The following APBB1IP variants were observed in gnomAD, a reference collection of about 807,000 sequenced individuals.
The protein encoded by APBB1IP is amyloid beta A4 precursor protein-binding family B member 1-interacting protein.
A neutral mutation model predicts 64.9 loss-of-function variants in APBB1IP; 27 were observed. That is an observed-to-expected ratio of 0.42 (90% CI 0.31 to 0.57). The LOEUF (loss-of-function observed/expected upper bound fraction) is 0.57, where lower values mean the gene tolerates loss of function less well. APBB1IP is among the 20% of genes least tolerant of loss of function. The pLI, the probability that APBB1IP is intolerant of heterozygous loss-of-function variation, is 0.20. For missense variants in APBB1IP, 812 were observed against 845.5 expected (o/e 0.96, Z 0.49); for synonymous variants, 392 against 331.0 (o/e 1.18, Z -2.00).
intron 2 of APBB1IP, among the ~76,000 whole-genome samples, chr10:26,452,538 T>C (rs1835476476): frequency 6.6e-6 from 1 of 152,238 alleles, no homozygotes; most frequent in African/African-American, 2.4e-5. Context: ...CTATCTAATT[T>C]CTCTAGGCCT....
chr10:26,445,881 T>G (rs1835392211), intron 2 of APBB1IP, among the ~76,000 whole-genome samples: 1 of 138,578 alleles, frequency 7.2e-6, no homozygotes, highest in South Asian at 2.1e-4. Context: ...TTACTAACAG[T>G]GATCGAGATA....
intron 8 of APBB1IP, among the ~76,000 whole-genome samples, chr10:26,517,962 A>AT (rs1416658602): frequency 4.6e-5 from 7 of 151,906 alleles, no homozygotes; most frequent in Admixed American, 4.6e-4. Flanking sequence ...TTTTTATTTT[A>AT]TTTCATTTTT....
chr10:26,470,649 G>A (rs766785397), intron 2 of APBB1IP, among the ~76,000 whole-genome samples: 2 of 152,284 alleles, frequency 1.3e-5, no homozygotes, highest in South Asian at 2.1e-4. Context: ...GTGTGCAGTA[G>A]GTTAGGTGTA....
intron 3 of APBB1IP, among the ~76,000 whole-genome samples, chr10:26,492,914 C>T (rs1355632353): frequency 1.3e-5 from 2 of 152,150 alleles, no homozygotes; most frequent in African/African-American, 4.8e-5. Flanking sequence ...ATTCGCCAGG[C>T]TGGAATTTCC....
At chr10:26,549,158 T>C (rs1461934319) in intron 11 of APBB1IP, among the ~76,000 whole-genome samples, 1 of 152,224 alleles carries the variant, frequency 6.6e-6, no homozygotes, top group Non-Finnish European at 1.5e-5. Context: ...ACTATCCTTG[T>C]ATTGCTGGGA....
At chr10:26,439,120 C>T (rs544945040) in intron 2 of APBB1IP, among the ~76,000 whole-genome samples, 1 of 152,254 alleles carries the variant, frequency 6.6e-6, no homozygotes, top group East Asian at 1.9e-4. Flanking sequence ...GCTATTGCAA[C>T]AGATTTGACA....
At chr10:26,467,807 T>G (rs1474250983) in intron 2 of APBB1IP, among the ~76,000 whole-genome samples, 9 of 152,226 alleles carry the variant, frequency 5.9e-5, no homozygotes, top group Non-Finnish European at 1.3e-4. Context: ...TGAGAAAATG[T>G]AGAACCAAAC....
intron 2 of APBB1IP, among the ~76,000 whole-genome samples, chr10:26,456,737 T>TAAAAA (rs9299824): frequency 0.036 from 3,216 of 90,540 alleles, 131 homozygotes; most frequent in African/African-American, 0.059. Context: ...AGAACCTGTC[T>TAAAAA]AAAAAAAAAA....
intron 7 of APBB1IP, among the ~76,000 whole-genome samples, chr10:26,513,067 C>T (rs1836280649): frequency 6.6e-6 from 1 of 152,194 alleles, no homozygotes; most frequent in Admixed American, 6.5e-5. Flanking sequence ...TTGTCCACCT[C>T]ACGTAGAATG....
intron 8 of APBB1IP, 119 bp downstream of exon 8, chr10:26,513,779 C>T (rs1205261600): frequency 4.7e-6 from 6 of 1,275,904 alleles, no homozygotes; most frequent in Non-Finnish European, 1.1e-6. Context: ...GTCTCGAAGG[C>T]TGGAGTGCAG....
intron 8 of APBB1IP, among the ~76,000 whole-genome samples, chr10:26,529,291 G>A (rs374650312): frequency 3.3e-5 from 5 of 152,220 alleles, no homozygotes; most frequent in East Asian, 3.9e-4. Context: ...TGGAAGTTCC[G>A]ATCCGAAAGC....
intron 2 of APBB1IP, among the ~76,000 whole-genome samples, chr10:26,467,761 T>C (rs919685512): frequency 6.6e-6 from 1 of 152,230 alleles, no homozygotes; most frequent in Non-Finnish European, 1.5e-5. Flanking sequence ...TGGGTGATGC[T>C]GGTCTGAAGA....
At position 26,440,396 on chromosome 10, in the gene APBB1IP, A is replaced by C. The variant is rs149072915; in HGVS notation, c.-1+1543A>C. Among the ~76,000 whole-genome samples the C allele has an allele frequency of 1.4e-3, 211 of 152,334 alleles. 2 individuals are homozygous for C. Among genetic ancestry groups the C allele is most frequent in the African/African-American group, 5.0e-3 (208 of 41,580 alleles). On this transcript the variant is annotated intron_variant, in intron 2 of 14. Transcript: ENST00000376236. ...AATTGCTGATCACAAATTTTTTAAA[A>C]ATGGAGAAAATAATCATAACCATAA...
chr10:26,538,551 G>T (rs1289618569), intron 10 of APBB1IP, among the ~76,000 whole-genome samples: 1 of 150,602 alleles, frequency 6.6e-6, no homozygotes, highest in Non-Finnish European at 1.5e-5. Flanking sequence ...TGAGGCAGAA[G>T]AATTGCTTGA....
rs1011452165 is a variant in APBB1IP at position 26,525,350 on chromosome 10, G to A, written c.814-8089G>A. On this transcript the variant is annotated intron_variant, in intron 8 of 14. Transcript: ENST00000376236. ...TAAAAATACATAATTTGCTTCTTTG[G>A]GTCTTGATTTCTGAAGGCTCCAATG... Among the ~76,000 whole-genome samples the A allele has an allele frequency of 1.1e-4, 17 of 152,142 alleles. No individual in the cohort carries two copies. The East Asian group carries it at 3.3e-3, about 29-fold the overall frequency.
intron 8 of APBB1IP, among the ~76,000 whole-genome samples, chr10:26,533,177 A>T (rs560683534): frequency 6.6e-6 from 1 of 152,290 alleles, no homozygotes; most frequent in African/African-American, 2.4e-5. Context: ...CAATTAAATG[A>T]TGTATTTTTC....
chr10:26,449,027 T>C (rs374440811), intron 2 of APBB1IP, among the ~76,000 whole-genome samples: 273 of 152,248 alleles, frequency 1.8e-3, no homozygotes, highest in African/African-American at 5.7e-3. Flanking sequence ...GGGAGGGCAG[T>C]AGTGCTAAGA....
At chr10:26,512,018 C>T in intron 7 of APBB1IP, 112 bp downstream of exon 7, 1 of 1,219,748 alleles carries the variant, frequency 8.2e-7, no homozygotes, top group Non-Finnish European at 1.1e-6. Flanking sequence ...AAAATAGACA[C>T]ATGCTCTCAC....
At chr10:26,543,390 C>T (rs1836721290) in intron 11 of APBB1IP, among the ~76,000 whole-genome samples, 1 of 151,250 alleles carries the variant, frequency 6.6e-6, no homozygotes, top group African/African-American at 2.4e-5. Context: ...TCACTTGAAC[C>T]CGGGAGGCGG....
Sources: allele counts gnomAD v4.1 joint callset (sites outside exome capture counted in the v4.1 genomes callset), GRCh38; gene constraint gnomAD v4.1.1; transcripts MANE v1.5; gene names NCBI Gene and HGNC (gene_info 2026-07-23, HGNC 2026-07-21).